Variants in UHRF2 observed in about 807,000 individuals in gnomAD.
UHRF2 encodes ubiquitin like with PHD and ring finger domains 2.
Under a neutral mutation model 96.8 loss-of-function variants are expected in UHRF2, and 23 were observed. That is an observed-to-expected ratio of 0.24 (90% CI 0.17 to 0.34). UHRF2 has a LOEUF of 0.34. UHRF2 is among the 10% of genes least tolerant of loss of function. The pLI is 1.00. For missense variants in UHRF2, 685 were observed against 981.5 expected, an observed-to-expected ratio of 0.70 and a Z score of 4.04; for synonymous variants, 385 against 332.6, an observed-to-expected ratio of 1.16 and a Z score of -1.72.
intron 1 of UHRF2, 21 bp downstream of exon 1, chr9:6,413,664 C>G: frequency 1.3e-6 from 2 of 1,554,302 alleles, no homozygotes; most frequent in South Asian, 2.4e-5. Context: ...CCCGCCGCGC[C>G]CCTAGCGAGG....
chr9:6,435,202 C>G (rs771875396), intron 3 of UHRF2, among the ~76,000 whole-genome samples: 4 of 152,102 alleles, frequency 2.6e-5, no homozygotes, highest in Non-Finnish European at 4.4e-5. Flanking sequence ...CCATGTTGGC[C>G]AGGCTGGTCG....
chr9:6,433,084 C>G (rs1820647143), intron 2 of UHRF2, among the ~76,000 whole-genome samples: 1 of 152,190 alleles, frequency 6.6e-6, no homozygotes, highest in African/African-American at 2.4e-5. Flanking sequence ...CTGCCCCTGC[C>G]TTGGCCTTCC....
intron 3 of UHRF2, among the ~76,000 whole-genome samples, chr9:6,448,476 A>C (rs906760371): frequency 3.3e-5 from 5 of 152,170 alleles, no homozygotes; most frequent in Admixed American, 6.6e-5. Flanking sequence ...AGTTTGAAAA[A>C]CGTCTCTGTT....
At chr9:6,417,284 C>G (rs1819661397) in intron 1 of UHRF2, among the ~76,000 whole-genome samples, 1 of 152,166 alleles carries the variant, frequency 6.6e-6, no homozygotes, top group African/African-American at 2.4e-5. Flanking sequence ...GACAAAAAAT[C>G]CTAACCATTT....
intron 4 of UHRF2, among the ~76,000 whole-genome samples, chr9:6,461,056 C>T (rs1234554575): frequency 1.3e-5 from 2 of 152,148 alleles, no homozygotes; most frequent in Non-Finnish European, 2.9e-5. Context: ...CTTACTTCCT[C>T]ATAGGATTCT....
chr9:6,458,328 C>G (rs1822308013), intron 3 of UHRF2, among the ~76,000 whole-genome samples: 1 of 152,102 alleles, frequency 6.6e-6, no homozygotes, highest in African/African-American at 2.4e-5. Context: ...TCTGTGGGAT[C>G]AGTGGTGATA....
At chr9:6,434,608 C>G (rs754422447) in intron 3 of UHRF2, among the ~76,000 whole-genome samples, 2 of 151,302 alleles carry the variant, frequency 1.3e-5, no homozygotes, top group Non-Finnish European at 3.0e-5. Context: ...CTGATTAATT[C>G]TTGTATTTTT....
At chr9:6,467,724 G>T (rs536084386) in intron 4 of UHRF2, among the ~76,000 whole-genome samples, 1 of 151,068 alleles carries the variant, frequency 6.6e-6, no homozygotes, top group South Asian at 2.1e-4. Flanking sequence ...TAGTCACTTG[G>T]GAGTGCCATT....
intron 4 of UHRF2, 75 bp from the exon 5 acceptor site, chr9:6,475,316 C>A: frequency 2.5e-6 from 2 of 806,588 alleles, no homozygotes; most frequent in Non-Finnish European, 3.7e-6. Flanking sequence ...AGATTCCAAA[C>A]TGGCTTTTAA....
intron 3 of UHRF2, among the ~76,000 whole-genome samples, chr9:6,437,438 G>T (rs1316895601): frequency 1.3e-5 from 2 of 151,978 alleles, no homozygotes; most frequent in Non-Finnish European, 2.9e-5. Flanking sequence ...TCACCGTGTT[G>T]GTCAGGCTGG....
At chr9:6,499,715 T>C in intron 12 of UHRF2, 120 bp from the exon 13 acceptor site, 1 of 535,950 alleles carries the variant, frequency 1.9e-6, no homozygotes, top group Non-Finnish European at 3.3e-6. Context: ...TTATGTAAAG[T>C]TTTTCAGTTT....
intron 14 of UHRF2, among the ~76,000 whole-genome samples, chr9:6,503,672 A>G (rs922768943): frequency 6.6e-6 from 1 of 152,132 alleles, no homozygotes; most frequent in Non-Finnish European, 1.5e-5. Context: ...GCTCCTAAAG[A>G]CAAATATTCA....
At chr9:6,414,169 G>A (rs1281847766) in intron 1 of UHRF2, 4 of 152,306 alleles carry the variant, frequency 2.6e-5, no homozygotes, top group Non-Finnish European at 5.9e-5. Flanking sequence ...CCTGACTGTG[G>A]TAGGATTCGC....
chr9:6,448,044 A>G (rs923554702), intron 3 of UHRF2, among the ~76,000 whole-genome samples: 5 of 152,174 alleles, frequency 3.3e-5, no homozygotes, highest in African/African-American at 1.2e-4. Flanking sequence ...TATAGGAGGT[A>G]ATGGAAGGAG....
chr9:6,442,945 CTA>C (rs1401317096), intron 3 of UHRF2, among the ~76,000 whole-genome samples: 2 of 152,128 alleles, frequency 1.3e-5, no homozygotes, highest in Non-Finnish European at 2.9e-5. Context: ...TGTAAGGAAA[CTA>C]TTCTTGTTAG....
intron 3 of UHRF2, among the ~76,000 whole-genome samples, chr9:6,456,987 A>G (rs948125889): frequency 6.6e-6 from 1 of 152,140 alleles, no homozygotes; most frequent in Admixed American, 6.6e-5. Context: ...TCTTGGCTAT[A>G]CGGGCTCTTT....
intron 4 of UHRF2, among the ~76,000 whole-genome samples, chr9:6,474,791 A>T (rs1021841498): frequency 3.3e-5 from 5 of 152,246 alleles, no homozygotes; most frequent in African/African-American, 1.2e-4. Context: ...AGTATATACA[A>T]ACAAATATGA....
In UHRF2 at chr9:6,432,447, A is replaced by G. The variant is rs1179616821; in HGVS notation, c.385-1467A>G. 2.0e-5 allele frequency among the ~76,000 whole-genome samples: 3 copies of G among 152,182 alleles called. No individual in the cohort carries two copies. In the East Asian group the frequency reaches 5.8e-4, roughly 29 times the overall value. ...CCTGTATACCTGTCTTGTCATTTAT[A>G]TCAAGGTTCATGGTATGATGGCAAG... is the stretch of plus-strand genomic sequence containing the variant. On this transcript the variant is annotated intron_variant, in intron 2 of 15. Coordinates refer to ENST00000276893, the MANE Select transcript of UHRF2 (RefSeq NM_152896.3).
chr9:6,457,877 G>C (rs1427158638), intron 3 of UHRF2, among the ~76,000 whole-genome samples: 1 of 152,180 alleles, frequency 6.6e-6, no homozygotes, highest in South Asian at 2.1e-4. Flanking sequence ...TGGTGGATAA[G>C]CTTTTTGATA....
Sources: gnomAD v4.1 joint callset for allele counts (sites outside exome capture counted in the v4.1 genomes callset) on GRCh38, gnomAD v4.1.1 for gene constraint, MANE v1.5 for transcripts, NCBI Gene and HGNC (gene_info 2026-07-23, HGNC 2026-07-21) for gene names.